The following PDSS2 variants were observed in gnomAD, a reference collection of about 807,000 sequenced individuals.
PDSS2 encodes the protein all trans-polyprenyl-diphosphate synthase PDSS2.
A neutral mutation model predicts 44.5 loss-of-function variants in PDSS2; 31 were observed. The observed-to-expected ratio is 0.70, with a 90% confidence interval of 0.52 to 0.94. PDSS2 has a LOEUF of 0.94. PDSS2 is among the 40% of genes least tolerant of loss of function. PDSS2 has a pLI of 0.00. For missense variants in PDSS2, 452 were observed against 482.2 expected, an observed-to-expected ratio of 0.94 and a Z score of 0.59; for synonymous variants, 157 against 180.3, an observed-to-expected ratio of 0.87 and a Z score of 1.03.
intron 4 of PDSS2, among the ~76,000 whole-genome samples, chr6:107,225,159 ATATTTTTTTTTTT>A (rs1366358893): frequency 1.9e-4 from 9 of 46,626 alleles, no homozygotes; most frequent in Non-Finnish European, 2.3e-4. Context: ...ATATATATAT[ATATTTTTTTTTTT>A]TTTTTTTTTT....
intron 4 of PDSS2, among the ~76,000 whole-genome samples, chr6:107,235,754 G>A (rs1774202403): frequency 6.6e-6 from 1 of 152,124 alleles, no homozygotes; most frequent in African/African-American, 2.4e-5. Flanking sequence ...TGACACAGAT[G>A]ATATAATTAG....
chr6:107,398,959 T>A (rs1015571291), intron 1 of PDSS2, among the ~76,000 whole-genome samples: 1 of 152,224 alleles, frequency 6.6e-6, no homozygotes, highest in Non-Finnish European at 1.5e-5. Flanking sequence ...ATTTTTAGAA[T>A]GTATTCATAT....
intron 1 of PDSS2, among the ~76,000 whole-genome samples, chr6:107,335,801 A>T (rs1777867989): frequency 6.6e-6 from 1 of 152,182 alleles, no homozygotes; most frequent in South Asian, 2.1e-4. Context: ...AGATTACAGC[A>T]TATATAAATA....
At chr6:107,378,477 T>C (rs1377262536) in intron 1 of PDSS2, among the ~76,000 whole-genome samples, 1 of 152,108 alleles carries the variant, frequency 6.6e-6, no homozygotes, top group Non-Finnish European at 1.5e-5. Context: ...AAAATCTAAA[T>C]GTAATATCAC....
In PDSS2 at chr6:107,379,187, G is replaced by T. The variant is rs74759273; in HGVS notation, c.297-44855C>A. On this transcript the variant is annotated intron_variant, in intron 1 of 7. Coordinates refer to ENST00000369037, the MANE Select transcript of PDSS2 (RefSeq NM_020381.4). ...TTTATTCAATCATTTATATCAGCAT[G>T]GACTCATGGATATTTATAGTATGCT... Among the ~76,000 whole-genome samples, 39 of 152,124 alleles carry T rather than the reference G, an allele frequency of 2.6e-4. No homozygotes were observed. In the East Asian group the frequency reaches 7.4e-3, roughly 29 times the overall value.
chr6:107,209,585 A>G (rs1773126303), intron 6 of PDSS2, among the ~76,000 whole-genome samples: 3 of 141,368 alleles, frequency 2.1e-5, no homozygotes, highest in Admixed American at 2.1e-4. Context: ...TTTTTTTTAA[A>G]TTTCAAAAAC....
chr6:107,351,729 A>G (rs943549049), intron 1 of PDSS2, among the ~76,000 whole-genome samples: 1 of 152,186 alleles, frequency 6.6e-6, no homozygotes, highest in Non-Finnish European at 1.5e-5. Flanking sequence ...ATTTTACACA[A>G]TTATTTAAGT....
At chr6:107,353,886 A>G (rs1778507458) in intron 1 of PDSS2, among the ~76,000 whole-genome samples, 1 of 152,184 alleles carries the variant, frequency 6.6e-6, no homozygotes, top group Non-Finnish European at 1.5e-5. Flanking sequence ...AAAAGGTTGG[A>G]GAATTTAAGC....
intron 1 of PDSS2, among the ~76,000 whole-genome samples, chr6:107,443,165 G>C (rs1417704676): frequency 1.3e-5 from 2 of 152,148 alleles, no homozygotes; most frequent in African/African-American, 4.8e-5. Flanking sequence ...AAGAAGAAAT[G>C]AATAAACCAT....
chr6:107,291,255 C>A (rs1030506336), intron 2 of PDSS2, among the ~76,000 whole-genome samples: 5 of 151,660 alleles, frequency 3.3e-5, no homozygotes, highest in Non-Finnish European at 7.4e-5. Context: ...TAAAATGGAA[C>A]TTTGTATTTG....
intron 2 of PDSS2, among the ~76,000 whole-genome samples, chr6:107,312,414 C>T (rs1470465255): frequency 6.6e-6 from 1 of 152,182 alleles, no homozygotes; most frequent in Non-Finnish European, 1.5e-5. Context: ...GGTAGTATAG[C>T]TAAGCTAAGA....
At chr6:107,284,490 G>A (rs1177821693) in intron 2 of PDSS2, among the ~76,000 whole-genome samples, 2 of 151,818 alleles carry the variant, frequency 1.3e-5, no homozygotes, top group African/African-American at 2.4e-5. Context: ...GTGAAACCCC[G>A]TCTCTACTAA....
At chr6:107,419,588 T>C (rs559503414) in intron 1 of PDSS2, among the ~76,000 whole-genome samples, 3 of 152,336 alleles carry the variant, frequency 2.0e-5, no homozygotes, top group South Asian at 2.1e-4. Flanking sequence ...AGAAATGGTA[T>C]AGACTAGCCA....
chr6:107,312,730 G>T (rs1478600817), intron 2 of PDSS2, among the ~76,000 whole-genome samples: 1 of 152,186 alleles, frequency 6.6e-6, no homozygotes, highest in Non-Finnish European at 1.5e-5. Flanking sequence ...TAGAAATGTG[G>T]CCACCTGTGG....
At chr6:107,450,274 A>G (rs1203183673) in intron 1 of PDSS2, among the ~76,000 whole-genome samples, 1 of 152,218 alleles carries the variant, frequency 6.6e-6, no homozygotes, top group African/African-American at 2.4e-5. Context: ...CAGTTGGGAA[A>G]TAATTAAAGA....
chr6:107,275,017 G>C (rs1157391230), intron 2 of PDSS2, among the ~76,000 whole-genome samples: 2 of 152,122 alleles, frequency 1.3e-5, no homozygotes, highest in African/African-American at 4.8e-5. Context: ...GGGGTTTACA[G>C]AGATGAATAC....
intron 1 of PDSS2, among the ~76,000 whole-genome samples, chr6:107,377,298 C>T (rs941072254): frequency 1.3e-5 from 2 of 152,160 alleles, no homozygotes; most frequent in African/African-American, 4.8e-5. Context: ...ATGCTCATCA[C>T]TGGCCATCAG....
intron 2 of PDSS2, among the ~76,000 whole-genome samples, chr6:107,329,151 T>C (rs1037747700): frequency 8.7e-4 from 133 of 152,320 alleles, no homozygotes; most frequent in African/African-American, 3.0e-3. Context: ...CATGACCCCT[T>C]TTGCTTAAAC....
rs564668581 is a variant in PDSS2, at chr6:107,262,973, G to T, written c.630+11056C>A. On this transcript the variant is annotated intron_variant, in intron 3 of 7. Transcript: ENST00000369037. ...TAAAAATAATTAAAAAAATAAAAAA[G>T]GTAATATTAGAAATGAAATATGCAT... Among the ~76,000 whole-genome samples the T allele has an allele frequency of 5.3e-5, 8 of 151,792 alleles. No homozygotes were observed. The East Asian group carries it at 1.6e-3, about 29-fold the overall frequency.
Sources: gnomAD v4.1 joint callset for allele counts (sites outside exome capture counted in the v4.1 genomes callset) on GRCh38, gnomAD v4.1.1 for gene constraint, MANE v1.5 for transcripts, NCBI Gene and HGNC (gene_info 2026-07-23, HGNC 2026-07-21) for gene names.